Variants in CABCOCO1 observed in about 807,000 individuals in gnomAD.
CABCOCO1 encodes the protein ciliary-associated calcium-binding coiled-coil protein 1.
A neutral mutation model predicts 35.7 loss-of-function variants in CABCOCO1; 28 were observed. That is an observed-to-expected ratio of 0.78 (90% CI 0.58 to 1.07). The LOEUF (loss-of-function observed/expected upper bound fraction) is 1.07. Ranked by LOEUF, CABCOCO1 falls within the 50% of genes least tolerant of loss-of-function variation. CABCOCO1 has a pLI of 0.00. For missense variants in CABCOCO1, 326 were observed against 309.2 expected (o/e 1.05, Z -0.41); for synonymous variants, 95 against 100.1 (o/e 0.95, Z 0.30).
intron 2 of CABCOCO1, among the ~76,000 whole-genome samples, chr10:61,678,603 A>G (rs925939728): frequency 1.3e-5 from 2 of 152,194 alleles, no homozygotes; most frequent in African/African-American, 2.4e-5. Flanking sequence ...AAGTTAATGG[A>G]GTCAAGGTCT....
chr10:61,763,107 C>T (rs1344096117), intron 7 of CABCOCO1, among the ~76,000 whole-genome samples: 1 of 151,990 alleles, frequency 6.6e-6, no homozygotes, highest in Non-Finnish European at 1.5e-5. Context: ...TGAATCACTA[C>T]TCGTAAGATG....
intron 5 of CABCOCO1, among the ~76,000 whole-genome samples, chr10:61,720,944 C>CTTTTTTTTTTA (rs1840997911): frequency 1.1e-5 from 1 of 93,846 alleles, no homozygotes; most frequent in Non-Finnish European, 2.2e-5. Flanking sequence ...TTTTTTTTTG[C>CTTTTTTTTTTA]GACAGAGTCT....
At chr10:61,739,877 G>A (rs1841510709) in intron 5 of CABCOCO1, among the ~76,000 whole-genome samples, 2 of 152,322 alleles carry the variant, frequency 1.3e-5, no homozygotes, top group South Asian at 4.1e-4. Flanking sequence ...AGAAGGCGGA[G>A]GCTGCAGTGA....
intron 3 of CABCOCO1, among the ~76,000 whole-genome samples, chr10:61,682,449 G>A (rs1194246229): frequency 6.6e-6 from 1 of 152,152 alleles, no homozygotes; most frequent in Non-Finnish European, 1.5e-5. Context: ...AAGGAAAAAG[G>A]TGAAGTATGT....
At chr10:61,675,111 G>T (rs572007854) in intron 2 of CABCOCO1, among the ~76,000 whole-genome samples, 6 of 152,236 alleles carry the variant, frequency 3.9e-5, no homozygotes, top group African/African-American at 1.4e-4. Context: ...AGACAAAATA[G>T]ATAGGTATAT....
At chr10:61,764,041 C>T (rs1308164200) in intron 7 of CABCOCO1, among the ~76,000 whole-genome samples, 1 of 151,990 alleles carries the variant, frequency 6.6e-6, no homozygotes, top group South Asian at 2.1e-4. Context: ...GAACCTTTTC[C>T]CAAGGCCTAC....
At chr10:61,669,827 A>T (rs1839303499) in intron 1 of CABCOCO1, among the ~76,000 whole-genome samples, 1 of 152,122 alleles carries the variant, frequency 6.6e-6, no homozygotes, top group African/African-American at 2.4e-5. Context: ...AGATAAATTG[A>T]TCTGAATGTC....
chr10:61,760,399 C>G lies in CABCOCO1; in HGVS notation c.675+218C>G, dbSNP rs537352428. On this transcript the variant is annotated intron_variant, in intron 6 of 7. Transcript: ENST00000648843. ...CTACCCTTCCTAATCTCCACCTTCA[C>G]TTTCCCCTGGGCACCACATTGGTAC... is the stretch of plus-strand genomic sequence containing the variant. Among the ~76,000 whole-genome samples, 35 of 152,188 alleles carry G rather than the reference C, an allele frequency of 2.3e-4. 1 individual carries two copies. Among genetic ancestry groups the G allele is most frequent in the African/African-American group, 8.4e-4 (35 of 41,542 alleles).
chr10:61,734,425 C>G (rs910250769), intron 5 of CABCOCO1, among the ~76,000 whole-genome samples: 1 of 151,970 alleles, frequency 6.6e-6, no homozygotes. Context: ...TATTGAAAAC[C>G]TGAAGCCCAC....
At chr10:61,735,559 G>T (rs984210531) in intron 5 of CABCOCO1, among the ~76,000 whole-genome samples, 1 of 152,124 alleles carries the variant, frequency 6.6e-6, no homozygotes, top group African/African-American at 2.4e-5. Context: ...CCTTCAAAGA[G>T]TTCACCTTAT....
At chr10:61,664,149 A>C (rs1014701960) in intron 1 of CABCOCO1, among the ~76,000 whole-genome samples, 5 of 152,210 alleles carry the variant, frequency 3.3e-5, no homozygotes, top group African/African-American at 1.2e-4. Flanking sequence ...GCCTTTTGAA[A>C]TTAGCAGACA....
At chr10:61,676,155 T>C (rs1292845699) in intron 2 of CABCOCO1, among the ~76,000 whole-genome samples, 4 of 152,222 alleles carry the variant, frequency 2.6e-5, no homozygotes, top group African/African-American at 9.6e-5. Context: ...AAAATACTAA[T>C]TTTGTCTGAT....
chr10:61,671,510 C>T (rs1228615091), intron 1 of CABCOCO1, among the ~76,000 whole-genome samples: 2 of 152,168 alleles, frequency 1.3e-5, no homozygotes, highest in African/African-American at 4.8e-5. Flanking sequence ...ATATCTTTGT[C>T]TAACTCACAC....
intron 7 of CABCOCO1, among the ~76,000 whole-genome samples, chr10:61,764,331 ATTTAT>A (rs1414916397): frequency 7.9e-5 from 12 of 152,142 alleles, no homozygotes; most frequent in Admixed American, 2.0e-4. Context: ...TATCCCATAA[ATTTAT>A]TTTAATAAGG....
chr10:61,680,407 A>G (rs966600370), intron 2 of CABCOCO1, among the ~76,000 whole-genome samples: 8 of 133,830 alleles, frequency 6.0e-5, no homozygotes, highest in Non-Finnish European at 1.2e-4. Context: ...TTTATATATA[A>G]CATATATAAT....
At chr10:61,720,041 G>A (rs576488093) in intron 5 of CABCOCO1, among the ~76,000 whole-genome samples, 27 of 152,042 alleles carry the variant, frequency 1.8e-4, no homozygotes, top group South Asian at 1.5e-3. Flanking sequence ...TAGGACTGCC[G>A]TCTCTGAAGG....
chr10:61,714,818 A>G (rs7920390), intron 5 of CABCOCO1, among the ~76,000 whole-genome samples: 18,205 of 152,032 alleles, frequency 0.12, 1,430 homozygotes, highest in African/African-American at 0.19. Context: ...GTAGTTGTGC[A>G]CTTTTGAGTG....
chr10:61,690,681 C>A, intron 5 of CABCOCO1, 60 bp downstream of exon 5: 3 of 1,105,324 alleles, frequency 2.7e-6, no homozygotes, highest in Non-Finnish European at 4.1e-6. Flanking sequence ...TGCTGATCAG[C>A]ATCTGGATCT....
intron 5 of CABCOCO1, among the ~76,000 whole-genome samples, chr10:61,691,717 C>A (rs1411377740): frequency 2.6e-5 from 4 of 152,028 alleles, no homozygotes; most frequent in African/African-American, 9.7e-5. Flanking sequence ...TTGTTCAACT[C>A]CCACTTATGA....
Sources: allele counts gnomAD v4.1 joint callset (sites outside exome capture counted in the v4.1 genomes callset), GRCh38; gene constraint gnomAD v4.1.1; transcripts MANE v1.5; gene names NCBI Gene and HGNC (gene_info 2026-07-23, HGNC 2026-07-21).